Variants in AMOT observed in about 807,000 individuals in gnomAD.
AMOT encodes the protein angiomotin.
A neutral mutation model predicts 67.0 loss-of-function variants in AMOT; 11 were observed. That is an observed-to-expected ratio of 0.16 (90% confidence interval 0.10 to 0.27). The LOEUF is 0.27. Among genes scored for constraint, AMOT ranks in the 10% least tolerant of loss-of-function variants. The probability of loss-of-function intolerance (pLI) is 1.00; values close to 1 mark genes in which losing one functional copy is unlikely to be tolerated. For synonymous variants in AMOT, 326 were observed against 321.4 expected (o/e 1.01, Z -0.15); for missense variants, 753 against 852.0 (o/e 0.88, Z 1.45).
chrX:112,815,151 T>C (rs747269994), intron 5 of AMOT, among the ~76,000 whole-genome samples: 2 of 111,846 alleles, frequency 1.8e-5, no homozygotes, highest in Non-Finnish European at 3.8e-5. Flanking sequence ...TTTCTCCTTG[T>C]GTAAATGTAA....
At chrX:112,831,190 T>C (rs1934975682) in intron 2 of AMOT, among the ~76,000 whole-genome samples, 1 of 110,159 alleles carries the variant, frequency 9.1e-6, no homozygotes, top group Admixed American at 9.9e-5. Context: ...GAGATGCCCC[T>C]GGTTTAACAA....
chrX:112,789,568 C>T (rs1233188468), intron 10 of AMOT, among the ~76,000 whole-genome samples: 2 of 110,942 alleles, frequency 1.8e-5, no homozygotes, highest in Non-Finnish European at 3.8e-5. Context: ...TGAACCTCCC[C>T]ACCTCTGATT....
rs753066963 is a variant in AMOT, at chrX:112,798,914, T to C, written c.1776+6033A>G. ...TTTGGCAGATCTCTTAACCCCCTTCTGACTCAGGAAAATCTGATCCCTGCA... is the reference window on the plus strand; with the variant it reads ...TTTGGCAGATCTCTTAACCCCCTTCCGACTCAGGAAAATCTGATCCCTGCA... On this transcript the variant is annotated intron_variant, in intron 8 of 13. Coordinates refer to ENST00000371959, the MANE Select transcript of AMOT (RefSeq NM_001113490.2). Among the ~76,000 whole-genome samples, 12 of 112,118 alleles carry C rather than the reference T, an allele frequency of 1.1e-4. No homozygotes were observed. The East Asian group carries it at 2.5e-3, about 24-fold the overall frequency.
In AMOT at chrX:112,777,527, ACAAAACAAGTTATTTCAAAGT is replaced by A. The variant is rs1319426298; in HGVS notation, c.*1019_*1039del. On this transcript the variant is annotated 3_prime_UTR_variant, in exon 14 of 14. Coordinates refer to ENST00000371959, the MANE Select transcript of AMOT (RefSeq NM_001113490.2). ...AAGACATATGCTTAGAATTTGACAA[ACAAAACAAGTTATTTCAAAGT>A]AGTCACCAGAAATTCAAAGCATTCA... is the stretch of plus-strand genomic sequence containing the variant. 8.9e-6 allele frequency: 1 copy of A among 112,211 alleles called. No homozygotes were observed. Among genetic ancestry groups the A allele is most frequent in the African/African-American group, 3.2e-5 (1 of 30,948 alleles). 9.2% of individuals were successfully genotyped at this position (112,211 alleles called of 1,213,427 possible). A position where few individuals can be genotyped will look rare whatever the true frequency, so the allele number is the denominator to read the frequency against.
At chrX:112,830,082 C>T (rs777847816) in intron 2 of AMOT, among the ~76,000 whole-genome samples, 2 of 112,156 alleles carry the variant, frequency 1.8e-5, no homozygotes, top group Non-Finnish European at 3.8e-5. Context: ...TTTTATTTTA[C>T]AAGTAATATA....
chrX:112,813,223 A>G lies in AMOT; in HGVS notation c.1393-1830T>C, dbSNP rs148308219. Reference sequence around the variant, plus strand: ...CTAATCCTTCCCCTACCCCCTGTGTAGATACTCCATCCTTCAAAAGGGCAA... The same window carrying G: ...CTAATCCTTCCCCTACCCCCTGTGTGGATACTCCATCCTTCAAAAGGGCAA... On this transcript the variant is annotated intron_variant, in intron 5 of 13. Coordinates refer to ENST00000371959, the MANE Select transcript of AMOT (RefSeq NM_001113490.2). Among the ~76,000 whole-genome samples, 646 of 111,505 alleles carry G rather than the reference A, an allele frequency of 5.8e-3. 3 individuals carry two copies. Among genetic ancestry groups the G allele is most frequent in the African/African-American group, 0.02 (609 of 30,651 alleles).
intron 8 of AMOT, among the ~76,000 whole-genome samples, chrX:112,796,266 G>A (rs1329262904): frequency 1.8e-5 from 2 of 112,076 alleles, no homozygotes; most frequent in African/African-American, 3.2e-5. Context: ...ACTATATAAT[G>A]TGTGTTCTTG....
chrX:112,784,187 G>A (rs1933292802), intron 10 of AMOT, among the ~76,000 whole-genome samples: 1 of 111,909 alleles, frequency 8.9e-6, no homozygotes, highest in Non-Finnish European at 1.9e-5. Flanking sequence ...TCACTGGCTT[G>A]TAGTCCTACT....
chrX:112,809,169 T>TC (rs56988368), intron 7 of AMOT, among the ~76,000 whole-genome samples: 1,226 of 111,688 alleles, frequency 0.011, 26 homozygotes, highest in East Asian at 0.079. Flanking sequence ...AGTTCATGTT[T>TC]CCCCCCGACT....
intron 8 of AMOT, among the ~76,000 whole-genome samples, chrX:112,792,427 T>C (rs1484165473): frequency 8.9e-6 from 1 of 112,164 alleles, no homozygotes; most frequent in African/African-American, 3.2e-5. Flanking sequence ...TTTGCTTTGG[T>C]ATGGAAAGAA....
rs1185807418 is a variant in AMOT at position 112,815,797 on chromosome X, C to T, written c.953G>A (p.Gly318Glu). 1.7e-6 allele frequency: 2 copies of T among 1,167,076 alleles called. No homozygotes were observed. Among genetic ancestry groups the T allele is most frequent in the Non-Finnish European group, 2.3e-6 (2 of 872,915 alleles). Reference protein sequence around the residue: ...HSPTSSLTSGGSLPLLQSPPS... With the variant: ...HSPTSSLTSGESLPLLQSPPS... Reference sequence around the variant, plus strand: ...TGGAGATTGTAGCAAGGGCAAGGACCCCCCAGAGGTCAGAGAAGAAGTAGG... The same window carrying T: ...TGGAGATTGTAGCAAGGGCAAGGACTCCCCAGAGGTCAGAGAAGAAGTAGG... The change falls in exon 5 of 14, where the codon GGG (glycine) becomes GAG (glutamate). Residue 318 changes from glycine to glutamate, a missense_variant. Transcript: ENST00000371959.
chrX:112,792,120 C>T (rs1447655186), intron 8 of AMOT, 139 bp from the exon 9 acceptor site: 7 of 675,736 alleles, frequency 1.0e-5, no homozygotes, highest in African/African-American at 8.7e-5. Flanking sequence ...GAATGGATGG[C>T]GAGAAGGTCC....
chrX:112,803,548 C>A (rs1249591458), intron 8 of AMOT, among the ~76,000 whole-genome samples: 1 of 112,230 alleles, frequency 8.9e-6, no homozygotes, highest in Middle Eastern at 4.2e-3. Context: ...TAGATATTAA[C>A]CTGATTTTAT....
intron 7 of AMOT, among the ~76,000 whole-genome samples, chrX:112,805,370 T>TACAC (rs55909349): frequency 8.7e-4 from 78 of 89,594 alleles, no homozygotes; most frequent in African/African-American, 1.4e-3. Context: ...ATACAAAGAA[T>TACAC]ACACACACAC....
intron 2 of AMOT, among the ~76,000 whole-genome samples, chrX:112,827,250 CTT>C (rs768974223): frequency 8.7e-4 from 98 of 112,640 alleles, no homozygotes; most frequent in Non-Finnish European, 6.8e-4. Flanking sequence ...ATCTTTGTCT[CTT>C]GTTTAAAAAA....
At position 112,822,513 on chromosome X, in the gene AMOT, T is replaced by C. The variant is rs1934742783; in HGVS notation, c.614A>G (p.Asn205Ser). The C allele has an allele frequency of 2.6e-6, 3 of 1,167,618 alleles. No homozygotes were observed. The highest frequency in any genetic ancestry group is 3.4e-6 in the Non-Finnish European group (3 of 872,992). The stretch of plus-strand genomic sequence containing the variant: ...ACTTGTGGGATTCTTGTAGAGGTCA[T>C]TGGGTTGTGGTGGGGAGAGGGGAGC... ...TSAPLSPPQPNDLYKNPTSSS... is the reference protein window; with the variant it reads ...TSAPLSPPQPSDLYKNPTSSS... Residue 205 changes from asparagine to serine, a missense_variant, in exon 4 of 14, where the codon AAT (asparagine) becomes AGT (serine). Physicochemically the swap from Asn to Ser is conservative, Grantham distance 46. Transcript: ENST00000371959.
At chrX:112,780,771 G>A (rs1381299057) in intron 12 of AMOT, 115 bp downstream of exon 12, 1 of 796,545 alleles carries the variant, frequency 1.3e-6, no homozygotes, top group East Asian at 3.3e-5. Flanking sequence ...CCAAAACCCT[G>A]GTACACCTTC....
At chrX:112,780,694 C>T (rs778647738) in intron 12 of AMOT, 192 bp downstream of exon 12, 4 of 442,139 alleles carry the variant, frequency 9.0e-6, no homozygotes, top group South Asian at 3.8e-5. Flanking sequence ...GTATTCTCAC[C>T]GGGAGACTTC....
At chrX:112,797,916 G>GAA (rs954053363) in intron 8 of AMOT, among the ~76,000 whole-genome samples, 1 of 111,043 alleles carries the variant, frequency 9.0e-6, no homozygotes, top group African/African-American at 3.3e-5. Context: ...AAGAAAGAAA[G>GAA]AAAGAAAAAG....
Sources: gnomAD v4.1 joint callset for allele counts (sites outside exome capture counted in the v4.1 genomes callset) on GRCh38, gnomAD v4.1.1 for gene constraint, MANE v1.5 for transcripts, NCBI Gene and HGNC (gene_info 2026-07-23, HGNC 2026-07-21) for gene names.